EXD1: variants seen among roughly 807,000 people sequenced by gnomAD.
EXD1 encodes piRNA biogenesis protein EXD1.
A neutral mutation model predicts 49.1 loss-of-function variants in EXD1; 63 were observed. That is an observed-to-expected ratio of 1.28 (90% CI 1.05 to 1.58). The LOEUF (loss-of-function observed/expected upper bound fraction) is 1.58, where lower values mean the gene tolerates loss of function less well. Among genes scored for constraint, EXD1 ranks in the 40% most tolerant of loss-of-function variants. EXD1 has a pLI of 0.00. For synonymous variants in EXD1, 234 were observed against 239.2 expected, an observed-to-expected ratio of 0.98 and a Z score of 0.20; for missense variants, 748 against 666.0, an observed-to-expected ratio of 1.12 and a Z score of -1.36.
chr15:41,199,657 T>C (rs905512126), intron 7 of EXD1, among the ~76,000 whole-genome samples: 2 of 118,328 alleles, frequency 1.7e-5, no homozygotes, highest in Non-Finnish European at 3.6e-5. Flanking sequence ...ATATCATATA[T>C]ATGATATACA....
intron 2 of EXD1, 50 bp from the exon 3 acceptor site, chr15:41,219,948 T>C (rs1431345010): frequency 6.9e-7 from 1 of 1,440,204 alleles, no homozygotes; most frequent in Admixed American, 2.1e-5. Flanking sequence ...TTCCTAAAAC[T>C]CTAAGAAAAT....
chr15:41,200,534 G>C (rs1193290397), intron 7 of EXD1, among the ~76,000 whole-genome samples: 1 of 151,994 alleles, frequency 6.6e-6, no homozygotes, highest in Middle Eastern at 3.2e-3. Flanking sequence ...TCAAAATAAT[G>C]ATAATAATAA....
intron 2 of EXD1, among the ~76,000 whole-genome samples, chr15:41,223,915 GT>G (rs2047125717): frequency 6.6e-6 from 1 of 152,050 alleles, no homozygotes; most frequent in South Asian, 2.1e-4. Context: ...TACAGATGTG[GT>G]TTTGCTATGC....
intron 6 of EXD1, among the ~76,000 whole-genome samples, chr15:41,214,341 T>C (rs1311264815): frequency 6.6e-6 from 1 of 151,320 alleles, no homozygotes; most frequent in Non-Finnish European, 1.5e-5. Context: ...CAAAACCCCA[T>C]CTCTACTACT....
chr15:41,204,501 A>C (rs909910924), intron 7 of EXD1, among the ~76,000 whole-genome samples: 1 of 152,134 alleles, frequency 6.6e-6, no homozygotes, highest in Non-Finnish European at 1.5e-5. Flanking sequence ...CAGTGAGCCA[A>C]GATGGTGCCA....
At chr15:41,201,485 A>AT (rs10618622) in intron 7 of EXD1, among the ~76,000 whole-genome samples, 17 of 89,172 alleles carry the variant, frequency 1.9e-4, no homozygotes, top group African/African-American at 5.6e-4. Context: ...AGAATTCTAG[A>AT]TTTTTTTTTT....
At position 41,230,553 on chromosome 15, in the gene EXD1, A is replaced by C; in HGVS notation, c.-128T>G. 1 of 1,614,086 alleles carries C rather than the reference A, an allele frequency of 6.2e-7. No individual in the cohort carries two copies. The highest frequency in any genetic ancestry group is 8.5e-7 in the Non-Finnish European group (1 of 1,179,956). ...AGGAAGTTTGGGAAATCTGGATCCTAATTTCAGCCAAGTGGTGCGTTCCTC... is the reference window on the plus strand; with the variant it reads ...AGGAAGTTTGGGAAATCTGGATCCTCATTTCAGCCAAGTGGTGCGTTCCTC... On this transcript the variant is annotated 5_prime_UTR_variant, in exon 1 of 12. It adds an upstream start codon to the 5' untranslated region. Transcript: ENST00000458580.
At chr15:41,218,856 C>T (rs774524849) in intron 3 of EXD1, among the ~76,000 whole-genome samples, 1 of 152,186 alleles carries the variant, frequency 6.6e-6, no homozygotes, top group African/African-American at 2.4e-5. Flanking sequence ...GATTGGCAGT[C>T]ATTAATTTGG....
At chr15:41,199,768 T>C (rs1440886397) in intron 7 of EXD1, among the ~76,000 whole-genome samples, 1 of 134,122 alleles carries the variant, frequency 7.5e-6, no homozygotes, top group African/African-American at 2.8e-5. Context: ...ACATATATGA[T>C]ATATATGTCA....
At chr15:41,190,479 C>CA (rs2046495626) in intron 10 of EXD1, 3 of 242,904 alleles carry the variant, frequency 1.2e-5, no homozygotes, top group East Asian at 9.2e-5. Flanking sequence ...GACTCCGTCT[C>CA]AAAAAAAGAA....
intron 7 of EXD1, among the ~76,000 whole-genome samples, chr15:41,202,103 G>A (rs1335871739): frequency 6.6e-6 from 1 of 151,614 alleles, no homozygotes; most frequent in Admixed American, 6.6e-5. Flanking sequence ...CTATGTTATA[G>A]CTACAATTGC....
chr15:41,186,925 C>G (rs990546111), intron 11 of EXD1, among the ~76,000 whole-genome samples: 9 of 147,592 alleles, frequency 6.1e-5, no homozygotes, highest in African/African-American at 2.0e-4. Flanking sequence ...GAGTTTCGAG[C>G]CCAGGCTGGA....
At chr15:41,208,182 T>C (rs1403918706) in intron 7 of EXD1, among the ~76,000 whole-genome samples, 2 of 151,204 alleles carry the variant, frequency 1.3e-5, no homozygotes, top group African/African-American at 4.9e-5. Context: ...GATGGAAGTT[T>C]AGGGTTGTTT....
At chr15:41,199,517 C>A (rs1392655881) in intron 7 of EXD1, among the ~76,000 whole-genome samples, 1 of 149,024 alleles carries the variant, frequency 6.7e-6, no homozygotes, top group Non-Finnish European at 1.5e-5. Context: ...TTCCCCCATA[C>A]CTTGCCCTAT....
intron 11 of EXD1, 132 bp from the exon 12 acceptor site, chr15:41,184,725 G>T: frequency 1.1e-6 from 1 of 913,636 alleles, no homozygotes; most frequent in Non-Finnish European, 1.5e-6. Context: ...CACGATCTCG[G>T]CTCACTGCAA....
rs1454154504 is a variant in EXD1 at position 41,192,611 on chromosome 15, T to A, written c.721-1026A>T. ...CGCCAGGCATTTTTTTTTTTTTTTT[T>A]TTTTTTTTTTTTTTTTTTTTTGAGA... On this transcript the variant is annotated intron_variant, in intron 9 of 11. Coordinates refer to ENST00000458580, the MANE Select transcript of EXD1 (RefSeq NM_001286441.2). Among the ~76,000 whole-genome samples, 177 of 99,102 alleles carry A rather than the reference T, an allele frequency of 1.8e-3. 22 individuals are homozygous for A. Among genetic ancestry groups the A allele is most frequent in the South Asian group, 4.9e-3 (11 of 2,234 alleles). 65.0% of individuals were successfully genotyped at this position (99,102 alleles called of 152,430 possible).
intron 9 of EXD1, 43 bp from the exon 10 acceptor site, chr15:41,191,628 C>G (rs1178563893): frequency 6.4e-7 from 1 of 1,572,982 alleles, no homozygotes; most frequent in Non-Finnish European, 8.7e-7. Flanking sequence ...TGAATATATA[C>G]AGAGAGCTAT....
At chr15:41,189,243 C>G (rs928960343) in intron 11 of EXD1, among the ~76,000 whole-genome samples, 16 of 151,692 alleles carry the variant, frequency 1.1e-4, no homozygotes, top group Non-Finnish European at 2.1e-4. Context: ...TGGCAGGTGC[C>G]TGTAATCCCA....
intron 7 of EXD1, among the ~76,000 whole-genome samples, chr15:41,199,747 T>TATGATATATATCATATATGATATATATCA (rs558589077): frequency 1.0e-5 from 1 of 99,760 alleles, no homozygotes; most frequent in African/African-American, 4.0e-5. Flanking sequence ...ATGTCATATA[T>TATGATATATATCATATATGATATATATCA]TATATATGAT....
Sources: allele counts gnomAD v4.1 joint callset (sites outside exome capture counted in the v4.1 genomes callset), GRCh38; gene constraint gnomAD v4.1.1; transcripts MANE v1.5; gene names NCBI Gene and HGNC (gene_info 2026-07-23, HGNC 2026-07-21).